The following PLBD2 variants were observed in gnomAD, a reference collection of about 807,000 sequenced individuals.
PLBD2 encodes phospholipase B domain containing 2.
A neutral mutation model predicts 68.3 loss-of-function variants in PLBD2; 51 were observed. The observed-to-expected ratio is 0.75, with a 90% CI of 0.60 to 0.94. The LOEUF (loss-of-function observed/expected upper bound fraction) is 0.94. Ranked by LOEUF, PLBD2 falls within the 40% of genes least tolerant of loss-of-function variation. PLBD2 has a pLI of 0.00. For synonymous variants in PLBD2, 314 were observed against 339.3 expected, an observed-to-expected ratio of 0.93 and a Z score of 0.82; for missense variants, 729 against 792.2, an observed-to-expected ratio of 0.92 and a Z score of 0.96.
rs1230071144 is a variant in PLBD2 at position 113,384,201 on chromosome 12, G to A, written c.1054G>A (p.Ala352Thr). Residue 352 changes from alanine to threonine, a missense_variant, in exon 7 of 12, where the codon GCC becomes ACC. Physicochemically the swap from Ala to Thr is moderately conservative, Grantham distance 58. Coordinates refer to ENST00000280800, the MANE Select transcript of PLBD2 (RefSeq NM_173542.4). The surrounding 1 kb of genome is among the most constrained non-coding windows in gnomAD (Gnocchi z 4.2). Reference sequence around the variant, plus strand: ...GCTGGAGTGGGTACGCAACATCGTGGCCAACCGCCTGGCCTCGGATGGGGC... The same window carrying A: ...GCTGGAGTGGGTACGCAACATCGTGACCAACCGCCTGGCCTCGGATGGGGC... ...CVLEWVRNIV[A>T]NRLASDGATW... 1 of 1,613,782 alleles carries A rather than the reference G, an allele frequency of 6.2e-7. No homozygotes were observed. The highest frequency in any genetic ancestry group is 1.3e-5 in the African/African-American group (1 of 74,892).
rs190159875 is a variant in PLBD2 at position 113,389,376 on chromosome 12, C to T, written c.*750C>T. The T allele has an allele frequency of 2.0e-5, 3 of 152,262 alleles. No individual in the cohort carries two copies. The highest frequency in any genetic ancestry group is 4.8e-5 in the African/African-American group (2 of 41,522). The allele number at this position is 152,262 out of a possible 1,614,324, so 9.4% of individuals were successfully genotyped here. On this transcript the variant is annotated 3_prime_UTR_variant, in exon 12 of 12. Coordinates refer to ENST00000280800, the MANE Select transcript of PLBD2 (RefSeq NM_173542.4). ...GGAACCAGACCGCAGGCTGTGCCACCATTAAACAAGAGCGGCTGTGGCCCC... is the reference window on the plus strand; with the variant it reads ...GGAACCAGACCGCAGGCTGTGCCACTATTAAACAAGAGCGGCTGTGGCCCC...
intron 10 of PLBD2, 135 bp downstream of exon 10, chr12:113,387,224 G>T: frequency 1.8e-6 from 2 of 1,118,238 alleles, no homozygotes; most frequent in Non-Finnish European, 2.5e-6. Flanking sequence ...TCAGATGTTG[G>T]ACACCAGTGC....
rs137857128 is a variant in PLBD2, at chr12:113,385,772, A to G, written c.1286+489A>G. ...TTTGTTTTTTGTTTTTTGTTTTGAG[A>G]CAGAATCTTGCCCTGTCACCCAGGC... On this transcript the variant is annotated intron_variant, in intron 9 of 11. Coordinates refer to ENST00000280800, the MANE Select transcript of PLBD2 (RefSeq NM_173542.4). Among the ~76,000 whole-genome samples the G allele has an allele frequency of 6.5e-3, 991 of 152,258 alleles. 9 individuals carry two copies. Among genetic ancestry groups the G allele is most frequent in the African/African-American group, 0.023 (937 of 41,552 alleles).
intron 10 of PLBD2, 150 bp from the exon 11 acceptor site, chr12:113,387,594 C>A (rs1957563679): frequency 2.4e-6 from 2 of 850,336 alleles, no homozygotes; most frequent in Non-Finnish European, 3.7e-6. Context: ...GGGCCCCAGG[C>A]AGAGGAACTG....
intron 2 of PLBD2, among the ~76,000 whole-genome samples, chr12:113,371,861 T>C (rs534503857): frequency 4.6e-5 from 7 of 152,326 alleles, no homozygotes; most frequent in Middle Eastern, 6.8e-3. Flanking sequence ...TCCTAACTAG[T>C]GTGCCCTGCT....
rs188443222 is a variant in PLBD2, at chr12:113,369,946, C to T, written c.384+737C>T. 1.5e-3 allele frequency among the ~76,000 whole-genome samples: 224 copies of T among 151,864 alleles called. 1 individual carries two copies. Among genetic ancestry groups the T allele is most frequent in the African/African-American group, 5.0e-3 (208 of 41,394 alleles). ...ACAGAGTCTTGCTCTGTCACCCAGG[C>T]TGGAGTGCAGTGGTGTGATCTCGGC... On this transcript the variant is annotated intron_variant, in intron 2 of 11. Transcript: ENST00000280800.
At chr12:113,360,582 C>G (rs1490076283) in intron 1 of PLBD2, among the ~76,000 whole-genome samples, 2 of 152,204 alleles carry the variant, frequency 1.3e-5, no homozygotes, top group African/African-American at 4.8e-5. Context: ...TGAGCATGTT[C>G]CCTCATATCA....
intron 2 of PLBD2, 64 bp downstream of exon 2, chr12:113,369,273 G>A (rs1360780057): frequency 7.2e-7 from 1 of 1,382,450 alleles, no homozygotes; most frequent in Non-Finnish European, 9.8e-7. Context: ...ATGTTCCCCA[G>A]TGTGCTTTTG....
At chr12:113,359,078 C>T in intron 1 of PLBD2, among the ~76,000 whole-genome samples, 188 bp downstream of exon 1, 1 of 152,272 alleles carries the variant, frequency 6.6e-6, no homozygotes, top group East Asian at 1.9e-4. Context: ...GCTACTGCGG[C>T]ATCCCTCACC....
At chr12:113,380,927 A>G in intron 6 of PLBD2, 85 bp downstream of exon 6, 1 of 1,294,062 alleles carries the variant, frequency 7.7e-7, no homozygotes, top group Non-Finnish European at 1.1e-6. Flanking sequence ...TCCTGCGGCA[A>G]GTGGGGACCA....
chr12:113,376,069 G>A lies in PLBD2; in HGVS notation c.859+1062G>A, dbSNP rs148615005. On this transcript the variant is annotated intron_variant, in intron 5 of 11. Coordinates refer to ENST00000280800, the MANE Select transcript of PLBD2 (RefSeq NM_173542.4). ...GGGTTTTCCCATATTGGCCAGGCTG[G>A]TCTTGACCTCCTGACCTCAAGTGAT... 5.7e-3 allele frequency among the ~76,000 whole-genome samples: 859 copies of A among 151,994 alleles called. 9 individuals are homozygous for A. The highest frequency in any genetic ancestry group is 0.019 in the African/African-American group (802 of 41,446).
intron 6 of PLBD2, among the ~76,000 whole-genome samples, chr12:113,383,616 G>C (rs959268873): frequency 2.0e-5 from 3 of 151,688 alleles, no homozygotes; most frequent in African/African-American, 7.3e-5. Flanking sequence ...TGTATTTTTA[G>C]TAGAGACAGG....
At chr12:113,375,069 GT>G in intron 5 of PLBD2, 62 bp downstream of exon 5, 1 of 1,494,716 alleles carries the variant, frequency 6.7e-7, no homozygotes, top group Non-Finnish European at 9.3e-7. Context: ...GTGGGGAGTG[GT>G]CCTAGGAGGT....
intron 5 of PLBD2, among the ~76,000 whole-genome samples, chr12:113,377,593 T>G (rs1957446395): frequency 6.6e-6 from 1 of 152,132 alleles, no homozygotes; most frequent in Admixed American, 6.5e-5. Flanking sequence ...ACCCAGCTAA[T>G]TTTTGTATTT....
At chr12:113,377,149 C>T (rs1957443671) in intron 5 of PLBD2, 2 of 152,214 alleles carry the variant, frequency 1.3e-5, no homozygotes, top group Admixed American at 6.5e-5. Flanking sequence ...TCAGCTTCTG[C>T]ATGGGGAGTG....
intron 1 of PLBD2, among the ~76,000 whole-genome samples, chr12:113,363,078 G>A (rs1172143730): frequency 1.3e-5 from 2 of 151,942 alleles, no homozygotes; most frequent in African/African-American, 4.8e-5. Context: ...TTACAGGTGT[G>A]AGCTATTGTG....
chr12:113,370,729 C>T (rs529700330), intron 2 of PLBD2, among the ~76,000 whole-genome samples: 12 of 152,222 alleles, frequency 7.9e-5, no homozygotes, highest in South Asian at 4.1e-4. Context: ...CTGCCCACCT[C>T]GGCTTCCCAG....
chr12:113,382,499 G>A (rs955388862), intron 6 of PLBD2, among the ~76,000 whole-genome samples: 2 of 151,956 alleles, frequency 1.3e-5, no homozygotes, highest in African/African-American at 4.8e-5. Flanking sequence ...CCTGAGTGCA[G>A]TGGCATGATC....
chr12:113,371,618 G>A (rs1957389610), intron 2 of PLBD2, among the ~76,000 whole-genome samples: 1 of 152,246 alleles, frequency 6.6e-6, no homozygotes, highest in Non-Finnish European at 1.5e-5. Flanking sequence ...GGGACACTGA[G>A]GCAAGGCCAC....
Sources: allele counts gnomAD v4.1 joint callset (sites outside exome capture counted in the v4.1 genomes callset), GRCh38; gene constraint gnomAD v4.1.1; non-coding constraint Gnocchi (gnomAD v3.1); transcripts MANE v1.5; gene names NCBI Gene and HGNC (gene_info 2026-07-23, HGNC 2026-07-21).